EED: variants seen among roughly 807,000 people sequenced by gnomAD.
EED encodes the protein embryonic ectoderm development.
Under a neutral mutation model 61.0 loss-of-function variants are expected in EED, and 9 were observed. That is an observed-to-expected ratio of 0.15 (90% confidence interval 0.09 to 0.26). EED has a LOEUF of 0.26. Among genes scored for constraint, EED ranks in the 10% least tolerant of loss-of-function variants. The probability of loss-of-function intolerance (pLI) is 1.00; values close to 1 mark genes in which losing one functional copy is unlikely to be tolerated. For synonymous variants in EED, 187 were observed against 174.4 expected (o/e 1.07, Z -0.57); for missense variants, 315 against 542.3 (o/e 0.58, Z 4.16).
chr11:86,252,222 A>G lies in EED; in HGVS notation c.342A>G (p.Ala114=). ...AAGAAGGAGATCCATTAGTGTTTGC[A>G]ACTGTAGGAAGCAACAGAGTGAGTG... The part of the protein sequence containing the change: ...HSKEGDPLVF[A]TVGSNRVTLY... The change falls in exon 3 of 12, where the codon GCA becomes GCG. Residue 114 remains alanine, a synonymous_variant. Transcript: ENST00000263360. 1.9e-6 allele frequency: 3 copies of G among 1,610,808 alleles called. No homozygotes were observed. Among genetic ancestry groups the G allele is most frequent in the Non-Finnish European group, 2.5e-6 (3 of 1,177,832 alleles).
chr11:86,285,729 CTGGGATT>C, the EED span, among the ~76,000 whole-genome samples: 1 of 152,116 alleles, frequency 6.6e-6, no homozygotes, highest in Non-Finnish European at 1.5e-5. Context: ...TCCTGAGTAG[CTGGGATT>C]ACAGGCGTGC....
intron 1 of EED, among the ~76,000 whole-genome samples, chr11:86,246,370 A>G (rs547691814): frequency 2.0e-5 from 3 of 152,256 alleles, no homozygotes; most frequent in Non-Finnish European, 2.9e-5. Context: ...ATGTTTCAGA[A>G]GAGTGGCGTA....
At chr11:86,253,286 C>T (rs373490362) in intron 3 of EED, among the ~76,000 whole-genome samples, 8 of 152,058 alleles carry the variant, frequency 5.3e-5, no homozygotes, top group East Asian at 3.9e-4. Flanking sequence ...AAAAATTTTG[C>T]GGTTTTAAGA....
At chr11:86,263,243 TAAG>T (rs1945883390) in intron 6 of EED, among the ~76,000 whole-genome samples, 2 of 152,200 alleles carry the variant, frequency 1.3e-5, no homozygotes, top group African/African-American at 4.8e-5. Flanking sequence ...AAGTAATCCT[TAAG>T]AAGATAAAGG....
Position 86,256,605 on chromosome 11 carries a change from G to A in EED, c.552+93G>A, listed in dbSNP as rs1945682460. ...TAAATTTAAAACTAATGGTATGAAT[G>A]TAACATTTCTCATTTGATTTGTACT... is the stretch of plus-strand genomic sequence containing the variant. On this transcript the variant is annotated intron_variant, in intron 5 of 11. Coordinates refer to ENST00000263360, the MANE Select transcript of EED (RefSeq NM_003797.5). The A allele has an allele frequency of 6.6e-6, 8 of 1,214,720 alleles. No homozygotes were observed. In the South Asian group the frequency reaches 1.9e-4, roughly 29 times the overall value. 75.2% of individuals were successfully genotyped at this position (1,214,720 alleles called of 1,614,324 possible). A position where few individuals can be genotyped will look rare whatever the true frequency, so the allele number is the denominator to read the frequency against.
intron 7 of EED, chr11:86,264,982 T>TG: frequency 6.6e-6 from 1 of 152,250 alleles, no homozygotes; most frequent in Non-Finnish European, 1.5e-5. Context: ...ATTCCTATGT[T>TG]GAAGTTTGGA....
chr11:86,272,376 T>C (rs1270225071), intron 9 of EED, among the ~76,000 whole-genome samples: 2 of 152,224 alleles, frequency 1.3e-5, no homozygotes, highest in East Asian at 1.9e-4. Context: ...TTTATTTTGC[T>C]CAACTTTTAT....
At chr11:86,247,574 T>C (rs1219716309) in intron 1 of EED, among the ~76,000 whole-genome samples, 1 of 152,220 alleles carries the variant, frequency 6.6e-6, no homozygotes, top group African/African-American at 2.4e-5. Flanking sequence ...GTTACCTAGA[T>C]AATAATAGAA....
intron 2 of EED, among the ~76,000 whole-genome samples, chr11:86,251,743 T>G (rs1945536426): frequency 6.6e-6 from 1 of 152,214 alleles, no homozygotes; most frequent in African/African-American, 2.4e-5. Context: ...TAAAATTTAG[T>G]GAATGCCAGA....
chr11:86,249,355 C>G (rs1409464897), intron 1 of EED, among the ~76,000 whole-genome samples: 5 of 147,646 alleles, frequency 3.4e-5, no homozygotes, highest in African/African-American at 7.6e-5. Context: ...GCAGTGTTTC[C>G]TAGGCTGTTT....
Position 86,245,093 on chromosome 11 carries a change from T to C in EED, c.-137T>C. Reference sequence around the variant, plus strand: ...CGCCCGCCTCGGCGGCTGGGCGCGATTTGCGACAGTGGGGGGGGCGGTGGA... The same window carrying C: ...CGCCCGCCTCGGCGGCTGGGCGCGACTTGCGACAGTGGGGGGGGCGGTGGA... On this transcript the variant is annotated 5_prime_UTR_variant, in exon 1 of 12. Coordinates refer to ENST00000263360, the MANE Select transcript of EED (RefSeq NM_003797.5). The C allele has an allele frequency of 1.7e-6, 1 of 601,788 alleles. No individual in the cohort carries two copies. The highest frequency in any genetic ancestry group is 2.2e-5 in the South Asian group (1 of 45,572). The allele number at this position is 601,788 out of a possible 1,614,324, so 37.3% of individuals were successfully genotyped here. A position where few individuals can be genotyped will look rare whatever the true frequency, so the allele number is the denominator to read the frequency against.
At chr11:86,283,046 GA>G (rs1171295087), downstream of EED, among the ~76,000 whole-genome samples, 2 of 151,270 alleles carry the variant, frequency 1.3e-5, no homozygotes, top group Admixed American at 6.6e-5. Flanking sequence ...AGGCAGGAGG[GA>G]AAAAAAAGAA....
rs118137943 is a variant in EED at position 86,257,003 on chromosome 11, C to T, written c.552+491C>T. Among the ~76,000 whole-genome samples the T allele has an allele frequency of 2.4e-4, 36 of 152,084 alleles. No homozygotes were observed. In the East Asian group the frequency reaches 6.0e-3, roughly 25 times the overall value. On this transcript the variant is annotated intron_variant, in intron 5 of 11. Transcript: ENST00000263360. ...ACGCATATTGGAGCCTCCGCTAATC[C>T]GATCAGAATATCTGCAGGTGGAGTT...
Position 86,245,194 on chromosome 11 carries a change from C to G in EED, c.-36C>G, listed in dbSNP as rs770622536. On this transcript the variant is annotated 5_prime_UTR_variant, in exon 1 of 12. Coordinates refer to ENST00000263360, the MANE Select transcript of EED (RefSeq NM_003797.5). Reference sequence around the variant, plus strand: ...GACGGCGGTGTGGCGGAGGCCCCGCCCCAGGCGGCAGGAACCTGGAGGGAG... The same window carrying G: ...GACGGCGGTGTGGCGGAGGCCCCGCGCCAGGCGGCAGGAACCTGGAGGGAG... 1 of 1,580,270 alleles carries G rather than the reference C, an allele frequency of 6.3e-7. No individual in the cohort carries two copies. The highest frequency in any genetic ancestry group is 1.1e-5 in the South Asian group (1 of 89,796).
chr11:86,249,444 G>C (rs902643698), intron 1 of EED, among the ~76,000 whole-genome samples: 1 of 150,530 alleles, frequency 6.6e-6, no homozygotes, highest in African/African-American at 2.4e-5. Context: ...TAAGATCCTA[G>C]ATTAAATAAA....
chr11:86,285,997 G>C, the EED span, among the ~76,000 whole-genome samples: 2 of 151,884 alleles, frequency 1.3e-5, no homozygotes, highest in Admixed American at 6.5e-5. Flanking sequence ...CAAGTATTTT[G>C]TTCTTACCAG....
At chr11:86,268,951 C>A (rs935633021) in intron 9 of EED, among the ~76,000 whole-genome samples, 1 of 152,048 alleles carries the variant, frequency 6.6e-6, no homozygotes, top group Non-Finnish European at 1.5e-5. Flanking sequence ...CTGGAGTTGG[C>A]TTATGGGCTG....
At chr11:86,286,595 G>A in the EED span, among the ~76,000 whole-genome samples, 10 of 152,290 alleles carry the variant, frequency 6.6e-5, no homozygotes, top group South Asian at 4.1e-4. Flanking sequence ...CAGTCATTCT[G>A]CTTAATTGCA....
intron 6 of EED, among the ~76,000 whole-genome samples, chr11:86,259,148 G>A (rs1258095045): frequency 2.6e-5 from 4 of 151,560 alleles, no homozygotes; most frequent in African/African-American, 7.3e-5. Context: ...GATTATAGGC[G>A]TGAGCCACTG....
Sources: gnomAD v4.1 joint callset for allele counts (sites outside exome capture counted in the v4.1 genomes callset) on GRCh38, gnomAD v4.1.1 for gene constraint, MANE v1.5 for transcripts, NCBI Gene and HGNC (gene_info 2026-07-23, HGNC 2026-07-21) for gene names.